Variants in ZGRF1 observed in about 807,000 individuals in gnomAD.
ZGRF1 encodes 5'-3' DNA helicase ZGRF1.
A neutral mutation model predicts 203.5 loss-of-function variants in ZGRF1; 196 were observed. The ratio of observed to expected loss-of-function variants is 0.96; its 90% confidence interval spans 0.86 to 1.08. The LOEUF is 1.08. ZGRF1 is among the 50% of genes least tolerant of loss of function. ZGRF1 has a pLI of 0.00. For synonymous variants in ZGRF1, 809 were observed against 841.3 expected (o/e 0.96, Z 0.66); for missense variants, 2,326 against 2,416.3 (o/e 0.96, Z 0.78).
intron 3 of ZGRF1, among the ~76,000 whole-genome samples, chr4:112,631,092 AGTAAGTTGATACT>A (rs1312595646): frequency 6.6e-6 from 1 of 152,200 alleles, no homozygotes; most frequent in Admixed American, 6.5e-5. Flanking sequence ...ATGCAGACTA[AGTAAGTTGATACT>A]TTTAAAGCAT....
intron 16 of ZGRF1, among the ~76,000 whole-genome samples, chr4:112,575,932 G>A (rs561217481): frequency 6.6e-6 from 1 of 152,332 alleles, no homozygotes; most frequent in African/African-American, 2.4e-5. Context: ...AGAGAGTAGT[G>A]GTTCTCCCAG....
At chr4:112,625,306 G>T (rs993911924) in intron 3 of ZGRF1, among the ~76,000 whole-genome samples, 2 of 151,744 alleles carry the variant, frequency 1.3e-5, no homozygotes, top group African/African-American at 4.8e-5. Context: ...AAAGAAAATC[G>T]CCAGGCGCGG....
intron 7 of ZGRF1, 89 bp downstream of exon 7, chr4:112,612,435 T>C: frequency 2.4e-6 from 2 of 829,894 alleles, no homozygotes; most frequent in Non-Finnish European, 3.9e-6. Flanking sequence ...CCAAGATAGC[T>C]TGGGACTGTA....
At chr4:112,583,122 A>G (rs911973307) in intron 15 of ZGRF1, among the ~76,000 whole-genome samples, 1 of 152,212 alleles carries the variant, frequency 6.6e-6, no homozygotes, top group African/African-American at 2.4e-5. Flanking sequence ...ACGGGCTATT[A>G]TAATAATTGC....
At chr4:112,598,116 C>T (rs766391917) in intron 10 of ZGRF1, among the ~76,000 whole-genome samples, 1 of 152,062 alleles carries the variant, frequency 6.6e-6, no homozygotes, top group African/African-American at 2.4e-5. Context: ...GTAAGCAACT[C>T]ATGCTAGGAA....
chr4:112,546,425 G>GA (rs1464622557), intron 24 of ZGRF1, among the ~76,000 whole-genome samples: 1 of 151,882 alleles, frequency 6.6e-6, no homozygotes, highest in Admixed American at 6.6e-5. Flanking sequence ...ATGCTGTAAA[G>GA]AAAAAAAAGT....
intron 4 of ZGRF1, 99 bp downstream of exon 4, chr4:112,623,718 A>C: frequency 1.5e-6 from 1 of 659,392 alleles, no homozygotes; most frequent in South Asian, 1.9e-5. Flanking sequence ...AAATACTATT[A>C]GTATTAATAT....
chr4:112,608,773 A>G (rs1751142920), intron 8 of ZGRF1, among the ~76,000 whole-genome samples: 1 of 152,242 alleles, frequency 6.6e-6, no homozygotes, highest in South Asian at 2.1e-4. Flanking sequence ...GCAAGTAGCC[A>G]TAATACAGGT....
Position 112,553,937 on chromosome 4 carries a change from T to C in ZGRF1, c.5244A>G (p.Leu1748=), listed in dbSNP as rs763173044. Residue 1748 remains leucine, a synonymous_variant, in exon 22 of 28, where the codon CTA becomes CTG. Transcript: ENST00000505019. The part of the protein sequence containing the change: ...SENESEQLKE[L]HALMKEDLTP... Reference sequence around the variant, plus strand: ...TCAGGTCTTCTTTCATTAGTGCATGTAGTTCTTTTAACTGTTCACTTTCAT... The same window carrying C: ...TCAGGTCTTCTTTCATTAGTGCATGCAGTTCTTTTAACTGTTCACTTTCAT... 2.5e-6 allele frequency: 4 copies of C among 1,613,092 alleles called. No individual in the cohort carries two copies. Among genetic ancestry groups the C allele is most frequent in the African/African-American group, 1.3e-5 (1 of 75,040 alleles).
chr4:112,633,310 A>G (rs1456266390), intron 1 of ZGRF1, 68 bp from the exon 2 acceptor site: 1 of 710,954 alleles, frequency 1.4e-6, no homozygotes, highest in Non-Finnish European at 2.4e-6. Context: ...ATTTTTCTCA[A>G]TAAACTCCCA....
At chr4:112,545,269 T>A (rs1560733154) in intron 24 of ZGRF1, among the ~76,000 whole-genome samples, 2 of 145,708 alleles carry the variant, frequency 1.4e-5, no homozygotes, top group South Asian at 2.2e-4. Flanking sequence ...AGAATATATT[T>A]AAAAAAAAAA....
intron 16 of ZGRF1, among the ~76,000 whole-genome samples, chr4:112,569,881 A>G (rs1743890865): frequency 6.6e-6 from 1 of 152,174 alleles, no homozygotes; most frequent in South Asian, 2.1e-4. Context: ...ACTAGTCAAA[A>G]TAAACTTAGC....
chr4:112,561,042 G>A (rs913731394), intron 18 of ZGRF1, 47 bp from the exon 19 acceptor site: 32 of 1,402,050 alleles, frequency 2.3e-5, no homozygotes, highest in Non-Finnish European at 2.9e-5. Context: ...AGGGGCATTT[G>A]AAAAAGATGA....
intron 16 of ZGRF1, among the ~76,000 whole-genome samples, chr4:112,578,385 T>G (rs1165848425): frequency 8.3e-6 from 1 of 119,778 alleles, no homozygotes; most frequent in Non-Finnish European, 1.9e-5. Context: ...AGCAAACACA[T>G]TCAAAAGCTA....
At position 112,539,583 on chromosome 4, in the gene ZGRF1, A is replaced by T; in HGVS notation, c.6279T>A (p.Ser2093Arg). 2.7e-6 allele frequency: 4 copies of T among 1,506,958 alleles called. No individual in the cohort carries two copies. Among genetic ancestry groups the T allele is most frequent in the Non-Finnish European group, 3.6e-6 (4 of 1,103,326 alleles). 93.3% of individuals were successfully genotyped at this position (1,506,958 alleles called of 1,614,324 possible). A position where few individuals can be genotyped will look rare whatever the true frequency, so the allele number is the denominator to read the frequency against. Residue 2093 changes from serine (S) to arginine (R), a missense_variant, in exon 28 of 28, where the codon AGT (serine) becomes AGA (arginine). By Grantham distance (110) the Ser-to-Arg change is moderately radical. Coordinates refer to ENST00000505019, the MANE Select transcript of ZGRF1 (RefSeq NM_018392.5). ...ATTTATCTTTAGATTTCTCTTTTTC[A>T]CTCTTTTTCTTCTGTTTTTCTTCCA... The part of the protein sequence containing the change: ...KQVEEKQKKK[S>R]EKEKSKDKSH...
intron 18 of ZGRF1, among the ~76,000 whole-genome samples, chr4:112,561,848 C>T (rs1360118050): frequency 6.7e-6 from 1 of 150,020 alleles, no homozygotes; most frequent in African/African-American, 2.4e-5. Flanking sequence ...TGAAAATGTA[C>T]AGTAACATTT....
intron 24 of ZGRF1, among the ~76,000 whole-genome samples, chr4:112,541,578 G>C (rs1318007204): frequency 1.3e-5 from 2 of 150,868 alleles, no homozygotes; most frequent in Non-Finnish European, 3.0e-5. Context: ...GCCCAGGCTG[G>C]ATTGCAATGG....
At chr4:112,624,516 AG>A (rs778323242) in intron 3 of ZGRF1, among the ~76,000 whole-genome samples, 1 of 152,116 alleles carries the variant, frequency 6.6e-6, no homozygotes, top group Non-Finnish European at 1.5e-5. Context: ...GGGGACAAAC[AG>A]GAGACAAGAT....
chr4:112,620,224 A>G (rs1311773528), intron 4 of ZGRF1, 34 bp from the exon 5 acceptor site: 1 of 1,543,622 alleles, frequency 6.5e-7, no homozygotes. Context: ...ACATACATCT[A>G]ATTATTTGAT....
Sources: allele counts gnomAD v4.1 joint callset (sites outside exome capture counted in the v4.1 genomes callset), GRCh38; gene constraint gnomAD v4.1.1; transcripts MANE v1.5; gene names NCBI Gene and HGNC (gene_info 2026-07-23, HGNC 2026-07-21).